Variants in FMN2 observed in about 807,000 individuals in gnomAD.
FMN2 encodes formin-2.
Under a neutral mutation model 142.3 loss-of-function variants are expected in FMN2, and 51 were observed. The observed-to-expected ratio is 0.36, with a 90% CI of 0.29 to 0.45. FMN2 has a LOEUF of 0.45. Among genes scored for constraint, FMN2 ranks in the 20% least tolerant of loss-of-function variants. The pLI is 1.00. For synonymous variants in FMN2, 882 were observed against 869.8 expected, an observed-to-expected ratio of 1.01 and a Z score of -0.25; for missense variants, 1,936 against 2,122.8, an observed-to-expected ratio of 0.91 and a Z score of 1.73.
In FMN2 at chr1:240,264,376, T is replaced by C. The variant is rs1328902378; in HGVS notation, c.4153+6344T>C. 3.9e-5 allele frequency among the ~76,000 whole-genome samples: 6 copies of C among 152,314 alleles called. No individual in the cohort carries two copies. In the East Asian group the frequency reaches 9.6e-4, roughly 24 times the overall value. ...ATACATATTCTTTTTTAAATTTGTT[T>C]ATTTATTTTTATTTTTTTATTATAC... On this transcript the variant is annotated intron_variant, in intron 7 of 17. Coordinates refer to ENST00000319653, the MANE Select transcript of FMN2 (RefSeq NM_020066.5).
rs1174144316 is a variant in FMN2, at chr1:240,151,124, C to T, written c.1783-26797C>T. On this transcript the variant is annotated intron_variant, in intron 2 of 17. Coordinates refer to ENST00000319653, the MANE Select transcript of FMN2 (RefSeq NM_020066.5). ...GCACGGTCTTTAGAAATGACTTGTTCAAATTCTCTACTTTATTCTATTGAA... is the reference window on the plus strand; with the variant it reads ...GCACGGTCTTTAGAAATGACTTGTTTAAATTCTCTACTTTATTCTATTGAA... 2.0e-5 allele frequency among the ~76,000 whole-genome samples: 3 copies of T among 152,118 alleles called. No homozygotes were observed. The East Asian group carries it at 5.8e-4, about 29-fold the overall frequency.
At chr1:240,171,363 C>A in intron 2 of FMN2, 1 of 591,108 alleles carries the variant, frequency 1.7e-6, no homozygotes, top group Non-Finnish European at 3.1e-6. Context: ...CAGAGAGAAG[C>A]GCCTCCTAGA....
Position 240,307,591 on chromosome 1 carries a change from T to A in FMN2, c.4215+12708T>A, listed in dbSNP as rs1367972823. The stretch of plus-strand genomic sequence containing the variant: ...TTTATTTCAAGGATCTCTGTTCTGA[T>A]CCATTGATCTGTATGTCTATTTTTG... On this transcript the variant is annotated intron_variant, in intron 8 of 17. Coordinates refer to ENST00000319653, the MANE Select transcript of FMN2 (RefSeq NM_020066.5). Among the ~76,000 whole-genome samples the A allele has an allele frequency of 2.6e-5, 4 of 152,236 alleles. No individual in the cohort carries two copies. The South Asian group carries it at 6.2e-4, about 24-fold the overall frequency.
intron 4 of FMN2, among the ~76,000 whole-genome samples, chr1:240,205,674 G>A (rs1666319671): frequency 6.6e-6 from 1 of 151,352 alleles, no homozygotes; most frequent in South Asian, 2.1e-4. Context: ...TGTTAGCCAG[G>A]ATTGCCTCGA....
chr1:240,096,602 G>A (rs1661208399), intron 1 of FMN2, among the ~76,000 whole-genome samples: 1 of 152,104 alleles, frequency 6.6e-6, no homozygotes, highest in South Asian at 2.1e-4. Context: ...TTTCTTTTTG[G>A]CCTTAATTTT....
chr1:240,258,994 G>T (rs897874140), intron 7 of FMN2, among the ~76,000 whole-genome samples: 8 of 152,180 alleles, frequency 5.3e-5, no homozygotes, highest in African/African-American at 1.9e-4. Flanking sequence ...AATCTTGTGT[G>T]GGATAATTCA....
chr1:240,204,618 G>GCACAT (rs1441241987), intron 4 of FMN2, among the ~76,000 whole-genome samples: 2 of 152,204 alleles, frequency 1.3e-5, no homozygotes, highest in Non-Finnish European at 2.9e-5. Flanking sequence ...GGGCGTGGTG[G>GCACAT]CACATGCCTG....
chr1:240,419,959 C>T (rs2103140183), intron 15 of FMN2, among the ~76,000 whole-genome samples: 1 of 152,268 alleles, frequency 6.6e-6, no homozygotes, highest in African/African-American at 2.4e-5. Context: ...TAACCATCTC[C>T]ACAATCCGCT....
chr1:240,337,717 C>G (rs1298897990), intron 13 of FMN2, among the ~76,000 whole-genome samples: 1 of 152,198 alleles, frequency 6.6e-6, no homozygotes, highest in Non-Finnish European at 1.5e-5. Context: ...GGCTCTAGCA[C>G]TTCTGTTTCT....
intron 6 of FMN2, among the ~76,000 whole-genome samples, chr1:240,225,086 C>A (rs902122507): frequency 2.0e-5 from 3 of 152,118 alleles, no homozygotes; most frequent in African/African-American, 7.2e-5. Context: ...AGTTTCAATA[C>A]CTCTGTTAAA....
chr1:240,407,092 A>C (rs550758723), intron 15 of FMN2, among the ~76,000 whole-genome samples: 1 of 152,186 alleles, frequency 6.6e-6, no homozygotes, highest in African/African-American at 2.4e-5. Flanking sequence ...TTGTCTTGAA[A>C]GATGATGTAG....
At chr1:240,265,634 T>G (rs942746656) in intron 7 of FMN2, among the ~76,000 whole-genome samples, 6 of 152,166 alleles carry the variant, frequency 3.9e-5, no homozygotes, top group Non-Finnish European at 4.4e-5. Flanking sequence ...TTTGTCATAT[T>G]TTGCTATGGC....
chr1:240,237,585 C>T (rs34269232), intron 6 of FMN2, among the ~76,000 whole-genome samples: 1,645 of 152,280 alleles, frequency 0.011, 12 homozygotes, highest in Middle Eastern at 0.017. Flanking sequence ...GAATGGGACA[C>T]GTCTTCCTCT....
At chr1:240,421,607 A>G (rs755855357) in intron 15 of FMN2, among the ~76,000 whole-genome samples, 96 of 152,066 alleles carry the variant, frequency 6.3e-4, no homozygotes, top group Non-Finnish European at 1.2e-3. Flanking sequence ...AGTTGACTAT[A>G]TTTGTTTTGT....
chr1:240,431,256 C>A (rs1273442711), intron 15 of FMN2, among the ~76,000 whole-genome samples: 1 of 151,580 alleles, frequency 6.6e-6, no homozygotes, highest in Non-Finnish European at 1.5e-5. Context: ...TATAAAAATA[C>A]AATTGATTTT....
chr1:240,148,639 G>C (rs1369999891), intron 2 of FMN2, among the ~76,000 whole-genome samples: 1 of 152,170 alleles, frequency 6.6e-6, no homozygotes, highest in Non-Finnish European at 1.5e-5. Context: ...GAAAAAACTT[G>C]AGATGTAAAA....
At chr1:240,208,928 T>C (rs1316453220) in intron 5 of FMN2, among the ~76,000 whole-genome samples, 196 bp downstream of exon 5, 1 of 152,208 alleles carries the variant, frequency 6.6e-6, no homozygotes, top group Non-Finnish European at 1.5e-5. Context: ...ACCAAAGATG[T>C]AAAATAAATA....
chr1:240,142,301 A>G (rs1663216956), intron 2 of FMN2, among the ~76,000 whole-genome samples: 1 of 152,180 alleles, frequency 6.6e-6, no homozygotes, highest in East Asian at 1.9e-4. Flanking sequence ...GTGCAAAGCC[A>G]AAATATAACT....
chr1:240,098,367 G>T (rs1015171920), intron 1 of FMN2, among the ~76,000 whole-genome samples: 2 of 151,988 alleles, frequency 1.3e-5, no homozygotes, highest in Non-Finnish European at 2.9e-5. Flanking sequence ...CTCCCCAAGT[G>T]CTAGGAGGCC....
Sources: gnomAD v4.1 joint callset for allele counts (sites outside exome capture counted in the v4.1 genomes callset) on GRCh38, gnomAD v4.1.1 for gene constraint, MANE v1.5 for transcripts, NCBI Gene and HGNC (gene_info 2026-07-23, HGNC 2026-07-21) for gene names.